Variants in TSHZ2 observed in about 807,000 individuals in gnomAD.
TSHZ2 encodes teashirt zinc finger homeobox 2.
A neutral mutation model predicts 74.4 loss-of-function variants in TSHZ2; 21 were observed. The ratio of observed to expected loss-of-function variants is 0.28; its 90% confidence interval spans 0.20 to 0.41. TSHZ2 has a LOEUF of 0.41. TSHZ2 is among the 10% of genes least tolerant of loss of function. The pLI, the probability that TSHZ2 is intolerant of heterozygous loss-of-function variation, is 1.00. For synonymous variants in TSHZ2, 540 were observed against 515.3 expected, an observed-to-expected ratio of 1.05 and a Z score of -0.65; for missense variants, 1,244 against 1,293.5, an observed-to-expected ratio of 0.96 and a Z score of 0.59.
intron 1 of TSHZ2, among the ~76,000 whole-genome samples, chr20:53,047,331 G>A (rs1984263665): frequency 6.6e-6 from 1 of 152,094 alleles, no homozygotes; most frequent in African/African-American, 2.4e-5. Flanking sequence ...TCTTGGTGTT[G>A]GGATCCCAAG....
chr20:53,301,838 C>T (rs1568859350), intron 2 of TSHZ2, among the ~76,000 whole-genome samples: 3 of 152,082 alleles, frequency 2.0e-5, no homozygotes, highest in South Asian at 2.1e-4. Context: ...CGCCATTTGA[C>T]GGGAGAAAAG....
chr20:53,407,200 T>G (rs1345318648), intron 2 of TSHZ2, among the ~76,000 whole-genome samples: 3 of 152,234 alleles, frequency 2.0e-5, no homozygotes, highest in African/African-American at 2.4e-5. Flanking sequence ...TTGATTTCTC[T>G]TGTTTCCACA....
chr20:53,411,412 G>A (rs915463960), intron 2 of TSHZ2, among the ~76,000 whole-genome samples: 2 of 152,154 alleles, frequency 1.3e-5, no homozygotes, highest in Non-Finnish European at 2.9e-5. Flanking sequence ...AGGAAACAGT[G>A]GTTAAGAGCA....
intron 2 of TSHZ2, among the ~76,000 whole-genome samples, chr20:53,451,850 A>G (rs377297371): frequency 4.6e-5 from 7 of 152,358 alleles, no homozygotes; most frequent in Admixed American, 6.5e-5. Flanking sequence ...GTACAGTAGG[A>G]ACACAGTAAA....
intron 2 of TSHZ2, among the ~76,000 whole-genome samples, chr20:53,274,076 C>T (rs1284704020): frequency 2.0e-5 from 3 of 152,120 alleles, no homozygotes; most frequent in Non-Finnish European, 2.9e-5. Flanking sequence ...GTCAGGAGAT[C>T]GAGACCATCC....
intron 2 of TSHZ2, among the ~76,000 whole-genome samples, chr20:53,335,812 A>C (rs1979922082): frequency 8.7e-6 from 1 of 114,398 alleles, no homozygotes; most frequent in Non-Finnish European, 1.8e-5. Flanking sequence ...TCCCAACCTC[A>C]TCTGCCAGGC....
intron 2 of TSHZ2, among the ~76,000 whole-genome samples, chr20:53,284,830 G>T (rs1453050975): frequency 1.3e-5 from 2 of 150,522 alleles, no homozygotes; most frequent in Non-Finnish European, 3.0e-5. Flanking sequence ...AACGATTAAT[G>T]TCAGCAACTC....
chr20:53,251,560 T>G (rs1990332353), intron 1 of TSHZ2, among the ~76,000 whole-genome samples: 1 of 152,182 alleles, frequency 6.6e-6, no homozygotes, highest in Non-Finnish European at 1.5e-5. Context: ...AGTTGTTGTT[T>G]TTTTCAAACC....
intron 1 of TSHZ2, among the ~76,000 whole-genome samples, chr20:53,229,089 T>G (rs1487025623): frequency 1.3e-5 from 2 of 152,210 alleles, no homozygotes; most frequent in African/African-American, 4.8e-5. Context: ...AGGAGCATTT[T>G]GTCTTCACTG....
At position 53,085,499 on chromosome 20, in the gene TSHZ2, T is replaced by C. The variant is rs992737929; in HGVS notation, c.40+112166T>C. ...GGAAACACACCGAGGAGAAACTGCA[T>C]AGTGGTAGTGGCTTGGTTCCTAAAG... On this transcript the variant is annotated intron_variant, in intron 1 of 2. Coordinates refer to ENST00000371497, the MANE Select transcript of TSHZ2 (RefSeq NM_173485.6). Among the ~76,000 whole-genome samples the C allele has an allele frequency of 2.0e-5, 3 of 152,190 alleles. No individual in the cohort carries two copies. In the South Asian group the frequency reaches 6.2e-4, roughly 32 times the overall value.
intron 2 of TSHZ2, among the ~76,000 whole-genome samples, chr20:53,346,417 C>T (rs1186924515): frequency 6.6e-6 from 1 of 152,200 alleles, no homozygotes; most frequent in African/African-American, 2.4e-5. Context: ...AACTTGCCGG[C>T]TGGAATGTCC....
intron 2 of TSHZ2, among the ~76,000 whole-genome samples, chr20:53,437,908 AG>A (rs1361493438): frequency 4.6e-5 from 7 of 152,100 alleles, no homozygotes; most frequent in African/African-American, 1.7e-4. Context: ...AGTGAGTAAA[AG>A]CTTCCTGAGG....
At chr20:53,426,953 G>A (rs908775332) in intron 2 of TSHZ2, among the ~76,000 whole-genome samples, 3 of 152,170 alleles carry the variant, frequency 2.0e-5, no homozygotes, top group Admixed American at 6.5e-5. Context: ...CTATTTAGCC[G>A]TGATTTTTGT....
intron 2 of TSHZ2, among the ~76,000 whole-genome samples, chr20:53,306,635 T>C (rs956488185): frequency 6.6e-6 from 1 of 152,218 alleles, no homozygotes; most frequent in Non-Finnish European, 1.5e-5. Context: ...ATGGGGAACT[T>C]GCCATTGGCA....
In TSHZ2 at chr20:53,212,165, C is replaced by T. The variant is rs141814346; in HGVS notation, c.41-41334C>T. 3.7e-4 allele frequency among the ~76,000 whole-genome samples: 57 copies of T among 152,266 alleles called. No homozygotes were observed. In the East Asian group the frequency reaches 8.5e-3, roughly 23 times the overall value. ...ATGAAGTTGTCATCTTGGAATCCCT[C>T]ACATGGAGTCCCTGAGTGACCCAGC... is the stretch of plus-strand genomic sequence containing the variant. On this transcript the variant is annotated intron_variant, in intron 1 of 2. Coordinates refer to ENST00000371497, the MANE Select transcript of TSHZ2 (RefSeq NM_173485.6).
intron 2 of TSHZ2, among the ~76,000 whole-genome samples, chr20:53,405,529 A>G (rs1386589625): frequency 2.0e-5 from 3 of 152,230 alleles, no homozygotes; most frequent in African/African-American, 7.2e-5. Flanking sequence ...TATAACAGCT[A>G]GGTACTTTTT....
chr20:53,347,400 C>G (rs1001314434), intron 2 of TSHZ2, among the ~76,000 whole-genome samples: 3 of 152,112 alleles, frequency 2.0e-5, no homozygotes, highest in African/African-American at 7.2e-5. Flanking sequence ...CTGTGACCCC[C>G]ACATGTCTGC....
chr20:53,163,227 A>T (rs1987983524), intron 1 of TSHZ2, among the ~76,000 whole-genome samples: 1 of 152,094 alleles, frequency 6.6e-6, no homozygotes, highest in Admixed American at 6.5e-5. Context: ...GTGTGATTTT[A>T]TCCTCTTGAA....
At chr20:53,084,646 T>C (rs1177305858) in intron 1 of TSHZ2, among the ~76,000 whole-genome samples, 50 of 87,024 alleles carry the variant, frequency 5.7e-4, no homozygotes, top group East Asian at 4.2e-3. Context: ...TCCCTCCCTC[T>C]CTCCCTCTCT....
Sources: gnomAD v4.1 joint callset for allele counts (sites outside exome capture counted in the v4.1 genomes callset) on GRCh38, gnomAD v4.1.1 for gene constraint, MANE v1.5 for transcripts, NCBI Gene and HGNC (gene_info 2026-07-23, HGNC 2026-07-21) for gene names.